RASGRF2: variants seen among roughly 807,000 people sequenced by gnomAD.
RASGRF2 encodes the protein Ras protein specific guanine nucleotide releasing factor 2.
A neutral mutation model predicts 151.0 loss-of-function variants in RASGRF2; 76 were observed. The ratio of observed to expected loss-of-function variants is 0.50; its 90% CI spans 0.42 to 0.61. The LOEUF is 0.61. Among genes scored for constraint, RASGRF2 ranks in the 20% least tolerant of loss-of-function variants. RASGRF2 has a pLI of 0.00. For missense variants in RASGRF2, 1,148 were observed against 1,564.6 expected (o/e 0.73, Z 4.49); for synonymous variants, 504 against 566.5 (o/e 0.89, Z 1.57).
intron 1 of RASGRF2, among the ~76,000 whole-genome samples, chr5:80,965,469 T>C (rs1464962795): frequency 6.6e-6 from 1 of 152,174 alleles, no homozygotes; most frequent in Non-Finnish European, 1.5e-5. Context: ...TTAGCAAAAT[T>C]GAGTTATTTT....
intron 22 of RASGRF2, among the ~76,000 whole-genome samples, chr5:81,209,480 A>G (rs1314365264): frequency 1.3e-5 from 2 of 152,206 alleles, no homozygotes; most frequent in Non-Finnish European, 2.9e-5. Context: ...AGGTAAATTA[A>G]TAAGTGATCT....
In RASGRF2 at chr5:81,003,438, T is replaced by C. The variant is rs188983772; in HGVS notation, c.289-39439T>C. Among the ~76,000 whole-genome samples the C allele has an allele frequency of 6.0e-3, 913 of 152,286 alleles. 6 individuals are homozygous for C. The highest frequency in any genetic ancestry group is 0.014 in the Middle Eastern group (4 of 294). On this transcript the variant is annotated intron_variant, in intron 1 of 26. Coordinates refer to ENST00000265080, the MANE Select transcript of RASGRF2 (RefSeq NM_006909.3). ...CAGGGTTTCACCAGGTTAGCCAGGA[T>C]GGTCTCGATCTACTGACCTCGTGAT...
rs755935956 is a variant in RASGRF2 at position 81,219,735 on chromosome 5, G to A, written c.3578G>A (p.Arg1193His). Residue 1193 changes from arginine (R) to histidine (H), a missense_variant, in exon 26 of 27, where the codon CGC becomes CAC. Transcript: ENST00000265080. ...RMISHIIREI[R>H]QFQQTSYRID... ...ATATCACACATCATCAGAGAGATAC[G>A]CCAGTTCCAGCAGACTTCCTACAGA... 1.4e-5 allele frequency: 22 copies of A among 1,610,612 alleles called. No homozygotes were observed. The highest frequency in any genetic ancestry group is 1.8e-5 in the Non-Finnish European group (21 of 1,177,350).
intron 2 of RASGRF2, among the ~76,000 whole-genome samples, chr5:81,043,866 T>C (rs558513837): frequency 1.3e-5 from 2 of 152,310 alleles, no homozygotes; most frequent in Admixed American, 1.3e-4. Flanking sequence ...CTGAGACATC[T>C]CCCTGCAAGT....
intron 1 of RASGRF2, among the ~76,000 whole-genome samples, chr5:81,034,173 A>G (rs1270359163): frequency 6.6e-6 from 1 of 152,218 alleles, no homozygotes; most frequent in East Asian, 1.9e-4. Context: ...GAAGACATTT[A>G]TGCAGCCAAA....
At chr5:81,056,737 C>T (rs1751227976) in intron 2 of RASGRF2, among the ~76,000 whole-genome samples, 1 of 152,158 alleles carries the variant, frequency 6.6e-6, no homozygotes, top group Non-Finnish European at 1.5e-5. Context: ...GTGTTAACGT[C>T]TCCCATTATT....
At chr5:81,135,102 T>C (rs1753721430) in intron 17 of RASGRF2, among the ~76,000 whole-genome samples, 1 of 148,308 alleles carries the variant, frequency 6.7e-6, no homozygotes, top group East Asian at 2.0e-4. Context: ...AGCCCAGGAG[T>C]TCAAGACCAA....
intron 8 of RASGRF2, 58 bp downstream of exon 8, chr5:81,085,969 G>C: frequency 2.5e-6 from 4 of 1,610,100 alleles, no homozygotes; most frequent in Non-Finnish European, 3.4e-6. Flanking sequence ...TTAGTCTCTT[G>C]TGGAAACCTC....
At chr5:81,041,154 T>C (rs1324577839) in intron 1 of RASGRF2, among the ~76,000 whole-genome samples, 6 of 151,946 alleles carry the variant, frequency 3.9e-5, no homozygotes, top group Non-Finnish European at 7.4e-5. Context: ...ATACAAAAAG[T>C]AGCCAGGCGT....
intron 1 of RASGRF2, among the ~76,000 whole-genome samples, chr5:81,036,489 A>G (rs1387112755): frequency 2.0e-5 from 3 of 152,012 alleles, no homozygotes; most frequent in Non-Finnish European, 2.9e-5. Context: ...ACTTTTCTAG[A>G]TAAGTTTATG....
chr5:80,977,778 T>C (rs1315448672), intron 1 of RASGRF2, among the ~76,000 whole-genome samples: 1 of 152,198 alleles, frequency 6.6e-6, no homozygotes, highest in Non-Finnish European at 1.5e-5. Context: ...TTTAAATTCT[T>C]CACAATTACA....
At chr5:81,070,323 G>A (rs1452626832) in intron 3 of RASGRF2, 169 bp from the exon 4 acceptor site, 3 of 584,836 alleles carry the variant, frequency 5.1e-6, no homozygotes, top group South Asian at 4.0e-5. Flanking sequence ...CCATGCTTGG[G>A]GTAAAGTTCA....
intron 1 of RASGRF2, among the ~76,000 whole-genome samples, chr5:80,974,180 A>G (rs985525016): frequency 4.6e-5 from 7 of 152,178 alleles, no homozygotes; most frequent in African/African-American, 1.7e-4. Context: ...TATCTATGCA[A>G]TTGTTCCAGA....
At chr5:81,016,940 G>T (rs974105459) in intron 1 of RASGRF2, among the ~76,000 whole-genome samples, 1 of 152,094 alleles carries the variant, frequency 6.6e-6, no homozygotes, top group African/African-American at 2.4e-5. Context: ...CCACCTAAAA[G>T]TCCACAAAAA....
intron 17 of RASGRF2, among the ~76,000 whole-genome samples, chr5:81,175,506 C>A (rs1037095716): frequency 6.6e-6 from 1 of 152,076 alleles, no homozygotes; most frequent in Non-Finnish European, 1.5e-5. Flanking sequence ...GTAATCTCAG[C>A]ACTTTGGGAG....
chr5:81,127,923 CAAAAAAAAAA>C lies in RASGRF2; in HGVS notation c.2686+775_2686+784del, dbSNP rs60196392. Among the ~76,000 whole-genome samples the C allele has an allele frequency of 1.8e-4, 12 of 64,882 alleles. No individual in the cohort carries two copies. In the South Asian group the frequency reaches 3.4e-3, roughly 18 times the overall value. The allele number at this position is 64,882 out of a possible 152,430, so 42.6% of individuals were successfully genotyped here. A position where few individuals can be genotyped will look rare whatever the true frequency, so the allele number is the denominator to read the frequency against. ...TGTGTGACAGAGCAAGACTCCGTCT[CAAAAAAAAAA>C]AAAAAAAAAAAAAAGAAAAGAAAAG... On this transcript the variant is annotated intron_variant, in intron 17 of 26. Coordinates refer to ENST00000265080, the MANE Select transcript of RASGRF2 (RefSeq NM_006909.3).
chr5:81,067,864 G>A (rs889632093), intron 2 of RASGRF2, among the ~76,000 whole-genome samples, 168 bp from the exon 3 acceptor site: 4 of 152,096 alleles, frequency 2.6e-5, no homozygotes, highest in Non-Finnish European at 5.9e-5. Flanking sequence ...ATTCTTCATC[G>A]TCGAAGGATA....
intron 1 of RASGRF2, among the ~76,000 whole-genome samples, chr5:80,977,542 G>T (rs768265348): frequency 1.3e-5 from 2 of 151,818 alleles, no homozygotes; most frequent in Non-Finnish European, 2.9e-5. Context: ...AGCTCACTGC[G>T]ACCTCCATCT....
At chr5:81,002,838 T>C (rs556562324) in intron 1 of RASGRF2, among the ~76,000 whole-genome samples, 1 of 152,198 alleles carries the variant, frequency 6.6e-6, no homozygotes, top group Non-Finnish European at 1.5e-5. Flanking sequence ...TTACATTTAT[T>C]ATGACAGGGT....
Sources: gnomAD v4.1 joint callset for allele counts (sites outside exome capture counted in the v4.1 genomes callset) on GRCh38, gnomAD v4.1.1 for gene constraint, MANE v1.5 for transcripts, NCBI Gene and HGNC (gene_info 2026-07-23, HGNC 2026-07-21) for gene names.